Variants in PRKN observed in about 807,000 individuals in gnomAD.
PRKN encodes the protein parkin RBR E3 ubiquitin protein ligase.
A neutral mutation model predicts 59.5 loss-of-function variants in PRKN; 56 were observed. That is an observed-to-expected ratio of 0.94 (90% confidence interval 0.76 to 1.18). The LOEUF (loss-of-function observed/expected upper bound fraction) is 1.18. PRKN is among the 50% of genes most tolerant of loss of function. The pLI, the probability that PRKN is intolerant of heterozygous loss-of-function variation, is 0.00. For synonymous variants in PRKN, 250 were observed against 222.1 expected (o/e 1.13, Z -1.12); for missense variants, 657 against 596.4 (o/e 1.10, Z -1.06).
At chr6:162,334,937 G>C (rs1022254182) in intron 2 of PRKN, among the ~76,000 whole-genome samples, 2 of 152,176 alleles carry the variant, frequency 1.3e-5, no homozygotes, top group African/African-American at 2.4e-5. Context: ...ACAAGAACTA[G>C]AAGTGGAGCC....
At chr6:162,150,293 G>A (rs1204295091) in intron 4 of PRKN, among the ~76,000 whole-genome samples, 1 of 152,174 alleles carries the variant, frequency 6.6e-6, no homozygotes, top group African/African-American at 2.4e-5. Context: ...TAAGAAGACA[G>A]TGGCAAAATG....
At chr6:161,884,579 G>A (rs971391396) in intron 6 of PRKN, among the ~76,000 whole-genome samples, 6 of 152,108 alleles carry the variant, frequency 3.9e-5, no homozygotes, top group African/African-American at 4.8e-5. Flanking sequence ...GTGAGATTAC[G>A]ATACGAATGG....
chr6:162,323,702 T>C (rs1783138928), intron 2 of PRKN, among the ~76,000 whole-genome samples: 1 of 152,070 alleles, frequency 6.6e-6, no homozygotes, highest in African/African-American at 2.4e-5. Context: ...CACAATGAGA[T>C]ACTACTACAA....
chr6:162,103,042 C>CA (rs1163020488), intron 4 of PRKN, among the ~76,000 whole-genome samples: 1,470 of 53,616 alleles, frequency 0.027, 11 homozygotes, highest in African/African-American at 0.041. Flanking sequence ...GACTCTGTCT[C>CA]AAAAAAAAAA....
chr6:161,854,743 T>C (rs1793576150), intron 6 of PRKN, among the ~76,000 whole-genome samples: 1 of 152,076 alleles, frequency 6.6e-6, no homozygotes, highest in Non-Finnish European at 1.5e-5. Context: ...CATACTTGAT[T>C]CTCTTGAAAC....
intron 3 of PRKN, among the ~76,000 whole-genome samples, chr6:162,240,216 T>A (rs1045432798): frequency 1.4e-4 from 22 of 152,160 alleles, no homozygotes; most frequent in Non-Finnish European, 1.5e-5. Context: ...GAAAAACAAT[T>A]AAAAATTTTT....
At chr6:162,133,731 C>A (rs567143372) in intron 4 of PRKN, among the ~76,000 whole-genome samples, 29 of 152,280 alleles carry the variant, frequency 1.9e-4, no homozygotes, top group Non-Finnish European at 3.5e-4. Flanking sequence ...GTCGTCAGGG[C>A]AGCCAAAGAG....
intron 1 of PRKN, among the ~76,000 whole-genome samples, chr6:162,602,022 C>G (rs9364664): frequency 6.6e-6 from 1 of 152,170 alleles, no homozygotes; most frequent in African/African-American, 2.4e-5. Flanking sequence ...CTATTCACTC[C>G]GTAGTTGAAG....
At chr6:161,729,394 A>G (rs1787582012) in intron 7 of PRKN, among the ~76,000 whole-genome samples, 1 of 152,022 alleles carries the variant, frequency 6.6e-6, no homozygotes, top group Non-Finnish European at 1.5e-5. Flanking sequence ...TTTTTTGCGC[A>G]TGTGTGTAAA....
intron 1 of PRKN, among the ~76,000 whole-genome samples, chr6:162,552,182 C>T (rs7746152): frequency 0.3 from 45,321 of 151,996 alleles, 7,178 homozygotes; most frequent in East Asian, 0.49. Flanking sequence ...GGTGACTAGG[C>T]GTTGGTGGCC....
chr6:162,281,167 C>T (rs1238583653), intron 2 of PRKN, among the ~76,000 whole-genome samples: 4 of 151,640 alleles, frequency 2.6e-5, no homozygotes, highest in Non-Finnish European at 5.9e-5. Context: ...GTCACAAGGA[C>T]AGAAAACCAA....
chr6:161,495,515 A>T (rs1423190419), intron 9 of PRKN, among the ~76,000 whole-genome samples: 1 of 152,204 alleles, frequency 6.6e-6, no homozygotes, highest in Non-Finnish European at 1.5e-5. Flanking sequence ...AACGAAAGTG[A>T]AGCGTGCCAT....
At chr6:162,134,894 C>T (rs575000453) in intron 4 of PRKN, among the ~76,000 whole-genome samples, 14 of 151,986 alleles carry the variant, frequency 9.2e-5, no homozygotes, top group Non-Finnish European at 1.6e-4. Flanking sequence ...TATTTTTACA[C>T]GAGAAAAAAT....
intron 1 of PRKN, among the ~76,000 whole-genome samples, chr6:162,655,625 T>C (rs962298012): frequency 6.6e-6 from 1 of 152,192 alleles, no homozygotes; most frequent in Non-Finnish European, 1.5e-5. Context: ...AAAGGAATTA[T>C]GGAAATCCCC....
At chr6:162,549,761 C>T (rs140473283) in intron 1 of PRKN, among the ~76,000 whole-genome samples, 9 of 151,876 alleles carry the variant, frequency 5.9e-5, no homozygotes, top group African/African-American at 1.9e-4. Flanking sequence ...GCCTCAGCCT[C>T]CCAAGTAGCT....
intron 10 of PRKN, among the ~76,000 whole-genome samples, chr6:161,384,734 C>G (rs1217721963): frequency 2.0e-5 from 3 of 152,256 alleles, no homozygotes; most frequent in East Asian, 3.9e-4. Context: ...TGTCCTTTAC[C>G]ACACCATCCT....
chr6:162,501,175 A>G (rs1793348839), intron 1 of PRKN, among the ~76,000 whole-genome samples: 1 of 152,106 alleles, frequency 6.6e-6, no homozygotes, highest in Admixed American at 6.6e-5. Flanking sequence ...ATAGTAATAA[A>G]AGGTGTTTTA....
At chr6:162,586,213 G>C (rs1216092530) in intron 1 of PRKN, among the ~76,000 whole-genome samples, 1 of 152,042 alleles carries the variant, frequency 6.6e-6, no homozygotes, top group Non-Finnish European at 1.5e-5. Flanking sequence ...ATTAAAAGGA[G>C]GTACCTTTGG....
chr6:162,083,390 C>T lies in PRKN; in HGVS notation c.535-29216G>A, dbSNP rs960702848. Among the ~76,000 whole-genome samples, 13 of 152,110 alleles carry T rather than the reference C, an allele frequency of 8.5e-5. 1 individual carries two copies. The highest frequency in any genetic ancestry group is 2.7e-4 in the African/African-American group (11 of 41,440). ...TGCTGATAGACTTGCCGCTCAATAC[C>T]GGGTTTCCACAAACCTTCAATTTGT... On this transcript the variant is annotated intron_variant, in intron 4 of 11. Transcript: ENST00000366898.
Sources: allele counts gnomAD v4.1 joint callset (sites outside exome capture counted in the v4.1 genomes callset), GRCh38; gene constraint gnomAD v4.1.1; transcripts MANE v1.5; gene names NCBI Gene and HGNC (gene_info 2026-07-23, HGNC 2026-07-21).